The following LEKR1 variants were observed in gnomAD, a reference collection of about 807,000 sequenced individuals.
LEKR1 encodes leucine, glutamate and lysine rich 1, also known as protein LEKR1.
LEKR1 carries 59 observed loss-of-function variants against 72.4 expected under a neutral mutation model. That is an observed-to-expected ratio of 0.82 (90% CI 0.66 to 1.01). The LOEUF (loss-of-function observed/expected upper bound fraction) is 1.01, where lower values mean the gene tolerates loss of function less well. LEKR1 is among the 50% of genes least tolerant of loss of function. The probability of loss-of-function intolerance (pLI) is 0.00; values close to 1 mark genes in which losing one functional copy is unlikely to be tolerated. For synonymous variants in LEKR1, 257 were observed against 263.2 expected, an observed-to-expected ratio of 0.98 and a Z score of 0.23; for missense variants, 728 against 759.2, an observed-to-expected ratio of 0.96 and a Z score of 0.48.
chr3:156,928,349 AGGGTGTCCCTAGT>A (rs1724916140), intron 5 of LEKR1, among the ~76,000 whole-genome samples: 3 of 152,186 alleles, frequency 2.0e-5, no homozygotes, highest in African/African-American at 7.2e-5. Flanking sequence ...ACTCTCCCAC[AGGGTGTCCCTAGT>A]GGGGGAGCTT....
intron 6 of LEKR1, among the ~76,000 whole-genome samples, chr3:156,960,576 A>C (rs1410118692): frequency 6.6e-6 from 1 of 152,182 alleles, no homozygotes; most frequent in Non-Finnish European, 1.5e-5. Flanking sequence ...GTGAGCCACC[A>C]TGCCTGGCCC....
chr3:156,989,770 C>T (rs77744193), intron 7 of LEKR1, among the ~76,000 whole-genome samples: 5,286 of 152,092 alleles, frequency 0.035, 111 homozygotes, highest in Admixed American at 0.043. Context: ...TGCTTTCTCT[C>T]TCTCTCTCCC....
chr3:156,866,259 G>A (rs1236297674), intron 3 of LEKR1, among the ~76,000 whole-genome samples: 1 of 152,044 alleles, frequency 6.6e-6, no homozygotes. Flanking sequence ...AACCTACCTT[G>A]AAATTAAGGA....
At chr3:156,857,685 A>G (rs1355869489) in intron 3 of LEKR1, among the ~76,000 whole-genome samples, 2 of 152,188 alleles carry the variant, frequency 1.3e-5, no homozygotes, top group Admixed American at 6.5e-5. Context: ...TTCTTTATTA[A>G]AATCAAAGTG....
intron 3 of LEKR1, among the ~76,000 whole-genome samples, chr3:156,914,089 T>G (rs1428899795): frequency 1.3e-5 from 2 of 152,192 alleles, no homozygotes; most frequent in Non-Finnish European, 2.9e-5. Context: ...CATTCCAAAA[T>G]TAGCAACAGT....
intron 5 of LEKR1, among the ~76,000 whole-genome samples, chr3:156,929,290 G>T (rs1312621274): frequency 6.6e-6 from 1 of 151,890 alleles, no homozygotes; most frequent in South Asian, 2.1e-4. Context: ...ATTTTGGTAG[G>T]TTACAAAATC....
rs1732398573 is a variant in LEKR1 at position 157,006,027 on chromosome 3, C to A, written c.1110-5386C>A. Among the ~76,000 whole-genome samples the A allele has an allele frequency of 2.0e-5, 3 of 147,948 alleles. No individual in the cohort carries two copies. In the South Asian group the frequency reaches 6.4e-4, roughly 31 times the overall value. On this transcript the variant is annotated intron_variant, in intron 9 of 12. Transcript: ENST00000356539. ...TTTTTTTTTTTTTTTGAGACGGAGT[C>A]TCGCTCTGTCGCCCAGGCCGGACTG... is the stretch of plus-strand genomic sequence containing the variant.
intron 3 of LEKR1, among the ~76,000 whole-genome samples, chr3:156,856,304 T>C (rs1716055116): frequency 6.6e-6 from 1 of 152,164 alleles, no homozygotes. Context: ...TTTTGTGTTA[T>C]TGATTTATTG....
chr3:156,901,064 A>T (rs1194112514), intron 3 of LEKR1, among the ~76,000 whole-genome samples: 1 of 152,020 alleles, frequency 6.6e-6, no homozygotes, highest in Non-Finnish European at 1.5e-5. Context: ...ACCTAAAGTG[A>T]TTGTCCCACT....
intron 1 of LEKR1, among the ~76,000 whole-genome samples, chr3:156,827,655 T>C (rs1018181853): frequency 6.6e-6 from 1 of 152,220 alleles, no homozygotes; most frequent in Non-Finnish European, 1.5e-5. Context: ...AATTGTTGTC[T>C]TTCTGCATTG....
At chr3:156,920,315 CA>C (rs1325213026) in intron 3 of LEKR1, among the ~76,000 whole-genome samples, 2 of 152,010 alleles carry the variant, frequency 1.3e-5, no homozygotes, top group Non-Finnish European at 2.9e-5. Flanking sequence ...TTGAACAATA[CA>C]ACAGAATATA....
rs114588835 is a variant in LEKR1, at chr3:156,927,676, A to G, written c.559+72A>G. On this transcript the variant is annotated intron_variant, in intron 5 of 12. Coordinates refer to ENST00000356539, the MANE Select transcript of LEKR1 (RefSeq NM_001004316.3). ...GTACATCATAAGTAATAAAATAATG[A>G]TATTTCATTTTATTTGATGGGAATT... 1.6e-3 allele frequency: 889 copies of G among 569,054 alleles called. 9 individuals carry two copies. In the African/African-American group the frequency reaches 0.018, roughly 11 times the overall value. The allele number at this position is 569,054 out of a possible 1,614,324, so 35.3% of individuals were successfully genotyped here. A position where few individuals can be genotyped will look rare whatever the true frequency, so the allele number is the denominator to read the frequency against.
At chr3:156,966,205 C>T (rs1272307326) in intron 6 of LEKR1, among the ~76,000 whole-genome samples, 17 of 152,194 alleles carry the variant, frequency 1.1e-4, no homozygotes, top group South Asian at 8.3e-4. Context: ...GCATGAGTGA[C>T]GCAGAAGACG....
chr3:156,868,704 T>G (rs1717586986), intron 3 of LEKR1, among the ~76,000 whole-genome samples: 1 of 152,042 alleles, frequency 6.6e-6, no homozygotes, highest in Non-Finnish European at 1.5e-5. Context: ...TATTTCAAAT[T>G]ATCTCTTCTA....
intron 10 of LEKR1, among the ~76,000 whole-genome samples, chr3:157,016,025 G>T (rs1011586149): frequency 6.6e-6 from 1 of 151,866 alleles, no homozygotes; most frequent in African/African-American, 2.4e-5. Context: ...AATAAAACAA[G>T]ATAGAATAGA....
chr3:156,957,104 T>C (rs1727716674), intron 6 of LEKR1, among the ~76,000 whole-genome samples: 1 of 152,066 alleles, frequency 6.6e-6, no homozygotes, highest in Non-Finnish European at 1.5e-5. Context: ...AGAAGAAAAT[T>C]ATTTTTGTGG....
chr3:157,037,731 A>C (rs1245771207), intron 12 of LEKR1, among the ~76,000 whole-genome samples: 2 of 152,152 alleles, frequency 1.3e-5, no homozygotes, highest in African/African-American at 4.8e-5. Context: ...GTTTTTATAG[A>C]TGCTAAGGAA....
chr3:156,836,808 C>T (rs1020495544), intron 2 of LEKR1, among the ~76,000 whole-genome samples: 1 of 152,134 alleles, frequency 6.6e-6, no homozygotes, highest in African/African-American at 2.4e-5. Context: ...CAATAAATGG[C>T]AAAAGTCCCA....
intron 9 of LEKR1, among the ~76,000 whole-genome samples, chr3:157,006,094 T>C (rs1008361554): frequency 8.6e-5 from 13 of 151,484 alleles, no homozygotes; most frequent in African/African-American, 2.9e-4. Context: ...CAAGCTCCGC[T>C]TCCCGGGTTC....
Sources: gnomAD v4.1 joint callset for allele counts (sites outside exome capture counted in the v4.1 genomes callset) on GRCh38, gnomAD v4.1.1 for gene constraint, MANE v1.5 for transcripts, NCBI Gene and HGNC (gene_info 2026-07-23, HGNC 2026-07-21) for gene names.